AZIN1: variants seen among roughly 807,000 people sequenced by gnomAD.
The protein encoded by AZIN1 is antizyme inhibitor 1, also known as ornithine decarboxylase antizyme inhibitor.
A neutral mutation model predicts 47.4 loss-of-function variants in AZIN1; 12 were observed. The observed-to-expected ratio is 0.25, with a 90% confidence interval of 0.16 to 0.41. The LOEUF (loss-of-function observed/expected upper bound fraction) is 0.41. Ranked by LOEUF, AZIN1 falls within the 10% of genes least tolerant of loss-of-function variation. The pLI is 1.00. For synonymous variants in AZIN1, 155 were observed against 176.3 expected (o/e 0.88, Z 0.96); for missense variants, 410 against 532.4 (o/e 0.77, Z 2.26).
intron 1 of AZIN1, among the ~76,000 whole-genome samples, chr8:102,858,786 A>G (rs1171540833): frequency 1.3e-5 from 2 of 152,326 alleles, no homozygotes; most frequent in Non-Finnish European, 1.5e-5. Context: ...TCTCATATCT[A>G]ACCTATTTGG....
In AZIN1 at chr8:102,829,490, T is replaced by G; in HGVS notation, c.1021-4A>C. 1 of 1,592,834 alleles carries G rather than the reference T, an allele frequency of 6.3e-7. No homozygotes were observed. Among genetic ancestry groups the G allele is most frequent in the Non-Finnish European group, 8.5e-7 (1 of 1,172,908 alleles). On this transcript the variant is annotated splice_region_variant and splice_polypyrimidine_tract_variant and intron_variant, in intron 10 of 11. Transcript: ENST00000337198. Reference sequence around the variant, plus strand: ...GAGGCTCATCTTCCTTGTATTTCTGTAGGAAAAGTTTTACAATTTAATTTT... The same window carrying G: ...GAGGCTCATCTTCCTTGTATTTCTGGAGGAAAAGTTTTACAATTTAATTTT...
intron 2 of AZIN1, among the ~76,000 whole-genome samples, chr8:102,857,661 C>G (rs1425451636): frequency 6.6e-6 from 1 of 151,918 alleles, no homozygotes. Flanking sequence ...CCTCTAAAAA[C>G]AATCAGTTAG....
chr8:102,844,467 T>C (rs1003706181), intron 2 of AZIN1, among the ~76,000 whole-genome samples: 2 of 152,084 alleles, frequency 1.3e-5, no homozygotes, highest in African/African-American at 2.4e-5. Flanking sequence ...CAAGCTAAAA[T>C]AGTACTAGCT....
At chr8:102,854,771 C>A (rs1444278306) in intron 2 of AZIN1, among the ~76,000 whole-genome samples, 1 of 150,596 alleles carries the variant, frequency 6.6e-6, no homozygotes, top group Non-Finnish European at 1.5e-5. Flanking sequence ...ATAGAGCCGA[C>A]TAATGACAAC....
chr8:102,826,406 C>T lies in AZIN1; in HGVS notation c.*2161G>A, dbSNP rs1294811352. ...GTATTCAGAATCACACACAAGTTACCTTTACAGTTCAATTTACTATATAGA... is the reference window on the plus strand; with the variant it reads ...GTATTCAGAATCACACACAAGTTACTTTTACAGTTCAATTTACTATATAGA... On this transcript the variant is annotated 3_prime_UTR_variant, in exon 12 of 12. Transcript: ENST00000337198. The T allele has an allele frequency of 6.6e-6, 1 of 152,572 alleles. No individual in the cohort carries two copies. The highest frequency in any genetic ancestry group is 2.4e-5 in the African/African-American group (1 of 41,420). 9.5% of individuals were successfully genotyped at this position (152,572 alleles called of 1,614,324 possible). A position where few individuals can be genotyped will look rare whatever the true frequency, so the allele number is the denominator to read the frequency against.
At chr8:102,830,928 C>A (rs1811416295) in intron 9 of AZIN1, among the ~76,000 whole-genome samples, 1 of 152,192 alleles carries the variant, frequency 6.6e-6, no homozygotes, top group South Asian at 2.1e-4. Context: ...ACCGCAGCCT[C>A]GAGCTTCAGG....
chr8:102,844,132 A>G (rs1048686424), intron 2 of AZIN1, among the ~76,000 whole-genome samples: 4 of 152,242 alleles, frequency 2.6e-5, no homozygotes, highest in African/African-American at 7.2e-5. Context: ...CATCCAAGAA[A>G]TCAAAATACC....
chr8:102,859,034 A>G (rs921123133), intron 1 of AZIN1: 2 of 152,236 alleles, frequency 1.3e-5, no homozygotes, highest in Non-Finnish European at 2.9e-5. Context: ...TATAAAGTCA[A>G]GAGTTGGAGG....
At chr8:102,843,770 A>G (rs896951989) in intron 2 of AZIN1, 23 bp from the exon 3 acceptor site, 25 of 1,445,850 alleles carry the variant, frequency 1.7e-5, no homozygotes, top group South Asian at 4.4e-5. Context: ...AAGTTATATA[A>G]AAGTCTGTAT....
chr8:102,843,674 CG>C lies in AZIN1; in HGVS notation c.-23del, dbSNP rs1470591214. ...TCATCTCAGCCGTATTCCACAAAGC[CG>C]AAAGTCATAAACCAGGAAAGACAAG... On this transcript the variant is annotated 5_prime_UTR_variant, in exon 3 of 12. It removes the in-frame stop codon of an upstream open reading frame in the 5' UTR. Coordinates refer to ENST00000337198, the MANE Select transcript of AZIN1 (RefSeq NM_148174.4). 1.2e-6 allele frequency: 2 copies of C among 1,613,266 alleles called. No homozygotes were observed. The highest frequency in any genetic ancestry group is 2.7e-5 in the African/African-American group (2 of 74,860).
chr8:102,857,367 G>C (rs112558129), intron 2 of AZIN1, among the ~76,000 whole-genome samples: 31 of 151,696 alleles, frequency 2.0e-4, no homozygotes, highest in African/African-American at 7.0e-4. Flanking sequence ...CTGAATTTCC[G>C]TAACAATAAG....
intron 5 of AZIN1, among the ~76,000 whole-genome samples, chr8:102,837,933 TA>T (rs1239546406): frequency 2.6e-5 from 4 of 152,228 alleles, no homozygotes; most frequent in African/African-American, 9.6e-5. Flanking sequence ...TTTTTGCTTT[TA>T]AAAAAGTAAA....
Position 102,827,771 on chromosome 8 carries a change from A to G in AZIN1, c.*796T>C, listed in dbSNP as rs1315494332. 6.6e-6 allele frequency: 1 copy of G among 152,612 alleles called. No homozygotes were observed. Among genetic ancestry groups the G allele is most frequent in the East Asian group, 1.9e-4 (1 of 5,208 alleles). 9.5% of individuals were successfully genotyped at this position (152,612 alleles called of 1,614,324 possible). A position where few individuals can be genotyped will look rare whatever the true frequency, so the allele number is the denominator to read the frequency against. ...TAACATTTTTGGTGTTAAAATTGTT[A>G]AACATCATGCTTACTGCACATCAAC... On this transcript the variant is annotated 3_prime_UTR_variant, in exon 12 of 12. Transcript: ENST00000337198.
chr8:102,830,046 T>A, intron 9 of AZIN1, 110 bp from the exon 10 acceptor site: 2 of 738,850 alleles, frequency 2.7e-6, no homozygotes, highest in Non-Finnish European at 4.5e-6. Context: ...AAAAGACACA[T>A]AGAGCACGCA....
rs1470608250 is a variant in AZIN1 at position 102,829,351 on chromosome 8, C to T, written c.1156G>A (p.Ala386Thr). ...GCAGATGGTTCATGGAAAGAATCTG[C>T]TCCCATGTTATCAAAGATAAGCCAA... ...GDWLIFDNMG[A>T]DSFHEPSAFN... is the part of the protein sequence containing the mutation. The change falls in exon 11 of 12, where the codon GCA (alanine) becomes ACA (threonine). Residue 386 changes from alanine (A) to threonine (T), a missense_variant. Ala to Thr is a moderately conservative substitution (Grantham distance 58). Around this residue, in one of 3 missense-constraint regions of AZIN1, gnomAD observed 168 missense variants for 198.3 expected, o/e 0.85. Transcript: ENST00000337198. 6 of 1,613,880 alleles carry T rather than the reference C, an allele frequency of 3.7e-6. No individual in the cohort carries two copies. The highest frequency in any genetic ancestry group is 4.5e-5 in the East Asian group (2 of 44,882).
In AZIN1 at chr8:102,861,404, T is replaced by A. The variant is rs1004709108; in HGVS notation, c.-234+2403A>T. ...CACCACGCCCGGCTAATTTTTGTAT[T>A]TTTAGTAGAGATGGAGTTTCAGCAT... is the stretch of plus-strand genomic sequence containing the variant. On this transcript the variant is annotated intron_variant, in intron 1 of 11. Coordinates refer to ENST00000337198, the MANE Select transcript of AZIN1 (RefSeq NM_148174.4). 3.4e-4 allele frequency among the ~76,000 whole-genome samples: 52 copies of A among 151,324 alleles called. 1 individual carries two copies. Among genetic ancestry groups the A allele is most frequent in the Admixed American group, 3.2e-3 (48 of 15,190 alleles).
chr8:102,864,197 T>G (rs932764241), upstream of AZIN1: 4 of 195,778 alleles, frequency 2.0e-5, no homozygotes, highest in East Asian at 1.9e-4. Context: ...AGTATTTATA[T>G]TAGGGGGCGT....
At chr8:102,860,478 TG>T (rs201302414) in intron 1 of AZIN1, among the ~76,000 whole-genome samples, 3,089 of 152,296 alleles carry the variant, frequency 0.02, 54 homozygotes, top group Middle Eastern at 0.075. Flanking sequence ...TTGGCCAGGC[TG>T]GTCTCGAACT....
intron 2 of AZIN1, chr8:102,856,071 A>C (rs985783222): frequency 3.4e-5 from 5 of 145,032 alleles, no homozygotes; most frequent in African/African-American, 1.2e-4. Flanking sequence ...AAATCAGCAC[A>C]GATCCAGGTC....
Sources: allele counts gnomAD v4.1 joint callset (sites outside exome capture counted in the v4.1 genomes callset), GRCh38; gene constraint gnomAD v4.1.1; regional missense constraint gnomAD v4.1.1; transcripts MANE v1.5; gene names NCBI Gene and HGNC (gene_info 2026-07-23, HGNC 2026-07-21).